The following ERC1 variants were observed in gnomAD, a reference collection of about 807,000 sequenced individuals.
ERC1 encodes the protein RAB6 interacting protein 2.
In ERC1, 56 loss-of-function variants were observed where a neutral mutation model predicts 132.0. The observed-to-expected ratio is 0.42, with a 90% CI of 0.34 to 0.53. The LOEUF (loss-of-function observed/expected upper bound fraction) is 0.53. ERC1 is among the 20% of genes least tolerant of loss of function. The pLI, the probability that ERC1 is intolerant of heterozygous loss-of-function variation, is 0.03. For synonymous variants in ERC1, 478 were observed against 476.1 expected, an observed-to-expected ratio of 1.00 and a Z score of -0.05; for missense variants, 1,202 against 1,349.9, an observed-to-expected ratio of 0.89 and a Z score of 1.72.
At chr12:1,091,169 G>C (rs35519658) in intron 3 of ERC1, among the ~76,000 whole-genome samples, 130 of 152,164 alleles carry the variant, frequency 8.5e-4, no homozygotes, top group African/African-American at 3.0e-3. Context: ...GATTACAGGC[G>C]TAAGCTACTG....
chr12:1,223,469 C>T (rs577114238), intron 12 of ERC1, among the ~76,000 whole-genome samples: 10 of 152,240 alleles, frequency 6.6e-5, no homozygotes, highest in Admixed American at 2.6e-4. Context: ...ATAGGTCTGG[C>T]GTCAACCTGA....
intron 14 of ERC1, among the ~76,000 whole-genome samples, chr12:1,269,237 A>G (rs1316712136): frequency 1.3e-5 from 2 of 152,180 alleles, no homozygotes; most frequent in African/African-American, 4.8e-5. Context: ...TAGTTATGAC[A>G]AAGGAACAGG....
At chr12:1,414,513 A>G (rs2092013390) in intron 17 of ERC1, among the ~76,000 whole-genome samples, 2 of 152,202 alleles carry the variant, frequency 1.3e-5, no homozygotes, top group Admixed American at 1.3e-4. Flanking sequence ...AGGGGACACA[A>G]ACATTCGATT....
At chr12:1,325,026 C>G (rs1279348851) in intron 15 of ERC1, among the ~76,000 whole-genome samples, 1 of 152,006 alleles carries the variant, frequency 6.6e-6, no homozygotes, top group Non-Finnish European at 1.5e-5. Flanking sequence ...TTTTTAAAGT[C>G]TCTGAACTTT....
chr12:1,440,724 T>C (rs902646796), intron 17 of ERC1, among the ~76,000 whole-genome samples: 3 of 146,740 alleles, frequency 2.0e-5, no homozygotes, highest in African/African-American at 5.0e-5. Flanking sequence ...CTCAGCTCAC[T>C]GCAACCTCCA....
chr12:1,262,065 A>G (rs2077178036), intron 13 of ERC1, among the ~76,000 whole-genome samples: 2 of 152,236 alleles, frequency 1.3e-5, no homozygotes, highest in African/African-American at 2.4e-5. Context: ...GATAAAATAA[A>G]AAATTCTTGG....
rs116147535 is a variant in ERC1, at chr12:1,232,760, G to C, written c.2352-4009G>C. On this transcript the variant is annotated intron_variant, in intron 12 of 18. Transcript: ENST00000360905. Reference sequence around the variant, plus strand: ...TTTCTGGGTTCTCTTGAGTCTCATTGAGCTTCTTTAGGATGATTATCTTTA... The same window carrying C: ...TTTCTGGGTTCTCTTGAGTCTCATTCAGCTTCTTTAGGATGATTATCTTTA... Among the ~76,000 whole-genome samples the C allele has an allele frequency of 5.1e-3, 780 of 151,840 alleles. 11 individuals carry two copies. The highest frequency in any genetic ancestry group is 0.018 in the African/African-American group (735 of 41,414).
chr12:1,143,357 TG>T, intron 8 of ERC1, among the ~76,000 whole-genome samples: 1 of 149,932 alleles, frequency 6.7e-6, no homozygotes, highest in South Asian at 2.1e-4. Flanking sequence ...TGTGTGTGTG[TG>T]TGTGTGTGTG....
At chr12:1,380,691 G>C (rs2088548264) in intron 16 of ERC1, 2 of 152,266 alleles carry the variant, frequency 1.3e-5, no homozygotes, top group Admixed American at 1.3e-4. Context: ...TTCAGCCACT[G>C]GCCACTAAGC....
At chr12:1,121,491 CAGAA>C (rs148730070) in intron 7 of ERC1, among the ~76,000 whole-genome samples, 1 of 152,298 alleles carries the variant, frequency 6.6e-6, no homozygotes, top group East Asian at 1.9e-4. Context: ...TACATAGCCT[CAGAA>C]AGAGATAGGC....
chr12:1,130,899 G>C (rs1293874253), intron 7 of ERC1, among the ~76,000 whole-genome samples: 3 of 152,044 alleles, frequency 2.0e-5, no homozygotes. Flanking sequence ...ATTTAGAGTG[G>C]ACTTGAGCAA....
chr12:1,222,349 A>G (rs1959070486), intron 12 of ERC1, among the ~76,000 whole-genome samples: 1 of 150,606 alleles, frequency 6.6e-6, no homozygotes, highest in African/African-American at 2.4e-5. Context: ...TGTGCCTCAG[A>G]CTCCTGAGTA....
chr12:1,349,794 T>G (rs1228713871), intron 15 of ERC1, among the ~76,000 whole-genome samples: 2 of 152,236 alleles, frequency 1.3e-5, no homozygotes, highest in African/African-American at 2.4e-5. Context: ...TAAAAAACTT[T>G]TAGGAGTTCA....
chr12:1,106,311 C>T (rs1185687550), intron 4 of ERC1, among the ~76,000 whole-genome samples: 2 of 152,206 alleles, frequency 1.3e-5, no homozygotes, highest in African/African-American at 4.8e-5. Flanking sequence ...TGTTCTTTCT[C>T]ATAAAAGTTC....
rs1361233977 is a variant in ERC1, at chr12:1,004,075, A to G, written c.-157+12753A>G. On this transcript the variant is annotated intron_variant, in intron 1 of 18. Transcript: ENST00000360905. ...GGAAGAGGTGACCTGGGAGAGCTCC[A>G]TATAGGCCTTCCACCATCTCCTGTT... Among the ~76,000 whole-genome samples, 4 of 152,182 alleles carry G rather than the reference A, an allele frequency of 2.6e-5. No homozygotes were observed. In the East Asian group the frequency reaches 7.7e-4, roughly 29 times the overall value.
At chr12:1,056,157 TCA>T (rs1456381076) in intron 2 of ERC1, among the ~76,000 whole-genome samples, 18 of 152,136 alleles carry the variant, frequency 1.2e-4, no homozygotes, top group African/African-American at 3.9e-4. Flanking sequence ...GTGATTTTTC[TCA>T]GATTCATAGG....
chr12:1,481,694 C>A (rs1169093390), intron 18 of ERC1, among the ~76,000 whole-genome samples: 1 of 152,162 alleles, frequency 6.6e-6, no homozygotes, highest in Non-Finnish European at 1.5e-5. Context: ...TTCTGTGATT[C>A]CCTCTATTTT....
At chr12:1,142,780 A>G (rs1399908772) in intron 8 of ERC1, among the ~76,000 whole-genome samples, 1 of 152,210 alleles carries the variant, frequency 6.6e-6, no homozygotes, top group East Asian at 1.9e-4. Context: ...ATTTGTTTAT[A>G]TGCTTTACCC....
intron 15 of ERC1, among the ~76,000 whole-genome samples, chr12:1,317,676 T>C (rs2081859010): frequency 6.6e-6 from 1 of 152,232 alleles, no homozygotes; most frequent in Non-Finnish European, 1.5e-5. Context: ...GTCTGCATAC[T>C]GACTAGCCCC....
Sources: allele counts gnomAD v4.1 joint callset (sites outside exome capture counted in the v4.1 genomes callset), GRCh38; gene constraint gnomAD v4.1.1; transcripts MANE v1.5; gene names NCBI Gene and HGNC (gene_info 2026-07-23, HGNC 2026-07-21).